WDR70: variants seen among roughly 807,000 people sequenced by gnomAD.
WDR70 encodes the protein WD repeat domain 70.
In WDR70, 53 loss-of-function variants were observed where a neutral mutation model predicts 88.6. The ratio of observed to expected loss-of-function variants is 0.60; its 90% confidence interval spans 0.48 to 0.75. The LOEUF is 0.75. Ranked by LOEUF, WDR70 falls within the 30% of genes least tolerant of loss-of-function variation. The pLI is 0.00. For missense variants in WDR70, 610 were observed against 823.2 expected, an observed-to-expected ratio of 0.74 and a Z score of 3.17; for synonymous variants, 280 against 270.0, an observed-to-expected ratio of 1.04 and a Z score of -0.36.
chr5:37,595,832 A>G (rs186690903), intron 9 of WDR70, among the ~76,000 whole-genome samples: 2 of 152,304 alleles, frequency 1.3e-5, no homozygotes, highest in Non-Finnish European at 2.9e-5. Flanking sequence ...CATAAATACT[A>G]GGTCCTCAAT....
intron 9 of WDR70, among the ~76,000 whole-genome samples, chr5:37,578,363 C>G (rs1399465606): frequency 2.0e-5 from 3 of 152,072 alleles, no homozygotes; most frequent in African/African-American, 7.2e-5. Context: ...AGGGCATTGC[C>G]ATTTTATTTT....
intron 5 of WDR70, among the ~76,000 whole-genome samples, chr5:37,424,064 G>T: frequency 7.0e-6 from 1 of 142,960 alleles, no homozygotes; most frequent in East Asian, 2.0e-4. Flanking sequence ...CAGGAGAATC[G>T]CTTGAACACG....
chr5:37,486,196 G>A (rs771227219), intron 8 of WDR70, among the ~76,000 whole-genome samples: 25 of 152,080 alleles, frequency 1.6e-4, no homozygotes, highest in Non-Finnish European at 3.4e-4. Context: ...TGAGCCATTG[G>A]ATTAAATTAT....
intron 15 of WDR70, 161 bp from the exon 16 acceptor site, chr5:37,724,773 G>A (rs1747922442): frequency 1.4e-6 from 1 of 697,604 alleles, no homozygotes; most frequent in South Asian, 1.8e-5. Context: ...CTGGTCTCAA[G>A]CAAAATTGGC....
At chr5:37,672,099 T>G (rs1464732356) in intron 10 of WDR70, among the ~76,000 whole-genome samples, 1 of 152,196 alleles carries the variant, frequency 6.6e-6, no homozygotes, top group South Asian at 2.1e-4. Context: ...GGATGTGCCT[T>G]GTTAACAATA....
intron 8 of WDR70, among the ~76,000 whole-genome samples, chr5:37,482,507 A>G (rs1443281141): frequency 6.6e-6 from 1 of 152,222 alleles, no homozygotes; most frequent in Non-Finnish European, 1.5e-5. Context: ...CAGTACCATG[A>G]GAACAGTATG....
At chr5:37,720,887 G>A (rs1747790432) in intron 13 of WDR70, among the ~76,000 whole-genome samples, 1 of 152,160 alleles carries the variant, frequency 6.6e-6, no homozygotes, top group South Asian at 2.1e-4. Flanking sequence ...ATAATGTCAG[G>A]AAGAGAACAT....
chr5:37,626,084 C>T (rs1397474269), intron 10 of WDR70, among the ~76,000 whole-genome samples: 2 of 150,316 alleles, frequency 1.3e-5, no homozygotes, highest in East Asian at 2.0e-4. Context: ...GACATTTTGA[C>T]TTCTCCCTTT....
chr5:37,697,995 C>T (rs889867871), intron 11 of WDR70: 10 of 370,830 alleles, frequency 2.7e-5, no homozygotes, highest in African/African-American at 2.1e-4. Flanking sequence ...CATTTAGATT[C>T]AAATTCCATA....
chr5:37,409,054 T>C (rs1749442535), intron 5 of WDR70, among the ~76,000 whole-genome samples: 1 of 152,130 alleles, frequency 6.6e-6, no homozygotes, highest in African/African-American at 2.4e-5. Context: ...TTCTCCTGCC[T>C]GAGCCTCCCG....
intron 9 of WDR70, among the ~76,000 whole-genome samples, chr5:37,534,263 C>A (rs1437973850): frequency 6.6e-6 from 1 of 152,114 alleles, no homozygotes; most frequent in Non-Finnish European, 1.5e-5. Context: ...ATCTTAAAGT[C>A]CATTTAAAAG....
At chr5:37,508,243 A>T (rs1740620008) in intron 8 of WDR70, among the ~76,000 whole-genome samples, 1 of 152,096 alleles carries the variant, frequency 6.6e-6, no homozygotes, top group Non-Finnish European at 1.5e-5. Flanking sequence ...TGAGGTCATG[A>T]GGGTGGATTC....
At chr5:37,629,336 A>G (rs540078168) in intron 10 of WDR70, among the ~76,000 whole-genome samples, 54 of 152,280 alleles carry the variant, frequency 3.5e-4, no homozygotes, top group Non-Finnish European at 4.6e-4. Context: ...AAGACTCAGG[A>G]AATTTTCTGC....
chr5:37,703,045 T>C lies in WDR70; in HGVS notation c.1374T>C (p.Arg458=). ...GCGGCAAACTTGTTTTCTTTGAGCG[T>C]AGGACTTTCCAAAGGGTGTATGAAA... ...CGSGKLVFFE[R]RTFQRVYEID... Residue 458 remains arginine, a synonymous_variant, in exon 13 of 18, where the codon CGT becomes CGC. Coordinates refer to ENST00000265107, the MANE Select transcript of WDR70 (RefSeq NM_018034.4). 1 of 1,613,896 alleles carries C rather than the reference T, an allele frequency of 6.2e-7. No individual in the cohort carries two copies. Among genetic ancestry groups the C allele is most frequent in the Non-Finnish European group, 8.5e-7 (1 of 1,179,784 alleles).
intron 13 of WDR70, among the ~76,000 whole-genome samples, chr5:37,709,607 G>C (rs757592325): frequency 6.4e-4 from 93 of 144,476 alleles, no homozygotes; most frequent in Non-Finnish European, 1.2e-3. Context: ...GTGTAAATTT[G>C]CCAGTACATG....
At chr5:37,750,750 CT>C (rs1748782737) in intron 17 of WDR70, among the ~76,000 whole-genome samples, 1 of 152,208 alleles carries the variant, frequency 6.6e-6, no homozygotes, top group African/African-American at 2.4e-5. Context: ...AACTTTGCTT[CT>C]CATTTGCCTT....
intron 10 of WDR70, 61 bp from the exon 11 acceptor site, chr5:37,697,594 C>G: frequency 7.2e-7 from 1 of 1,382,522 alleles, no homozygotes; most frequent in Non-Finnish European, 1.0e-6. Flanking sequence ...GTTCTTGCCA[C>G]AAAACTGTTC....
chr5:37,505,902 T>C, intron 8 of WDR70: 1 of 1,357,732 alleles, frequency 7.4e-7, no homozygotes, highest in Non-Finnish European at 1.1e-6. Flanking sequence ...TCCTGTCATC[T>C]GACTTCCTTC....
intron 10 of WDR70, among the ~76,000 whole-genome samples, chr5:37,633,173 T>C (rs1002090865): frequency 2.0e-5 from 3 of 152,184 alleles, no homozygotes; most frequent in Admixed American, 1.3e-4. Flanking sequence ...TCAGAACTTA[T>C]TCTCATTGTT....
Sources: gnomAD v4.1 joint callset for allele counts (sites outside exome capture counted in the v4.1 genomes callset) on GRCh38, gnomAD v4.1.1 for gene constraint, MANE v1.5 for transcripts, NCBI Gene and HGNC (gene_info 2026-07-23, HGNC 2026-07-21) for gene names.